TTLL5: variants seen among roughly 807,000 people sequenced by gnomAD.
The protein encoded by TTLL5 is tubulin tyrosine ligase like 5.
TTLL5 carries 132 observed loss-of-function variants against 168.4 expected under a neutral mutation model. That is an observed-to-expected ratio of 0.78 (90% CI 0.68 to 0.91). The LOEUF (loss-of-function observed/expected upper bound fraction) is 0.91, where lower values mean the gene tolerates loss of function less well. TTLL5 is among the 40% of genes least tolerant of loss of function. The pLI is 0.00. For missense variants in TTLL5, 1,545 were observed against 1,581.5 expected (o/e 0.98, Z 0.39); for synonymous variants, 546 against 558.6 (o/e 0.98, Z 0.32).
chr14:75,894,511 C>T (rs529821067), intron 30 of TTLL5, among the ~76,000 whole-genome samples: 5 of 152,160 alleles, frequency 3.3e-5, no homozygotes, highest in South Asian at 2.1e-4. Flanking sequence ...CGAGATCACA[C>T]GCCACTGCAC....
chr14:75,940,288 C>T (rs2034561234), intron 31 of TTLL5, among the ~76,000 whole-genome samples: 2 of 151,874 alleles, frequency 1.3e-5, no homozygotes, highest in South Asian at 4.2e-4. Context: ...ACCATGTTAG[C>T]CAGGATGGTC....
intron 28 of TTLL5, among the ~76,000 whole-genome samples, chr14:75,848,851 T>C (rs1415245074): frequency 6.6e-6 from 1 of 152,228 alleles, no homozygotes; most frequent in Non-Finnish European, 1.5e-5. Context: ...TTGGTTTTTA[T>C]ATCCAGCTTT....
rs553892120 is a variant in TTLL5 at position 75,837,547 on chromosome 14, C to T, written c.3326+17386C>T. On this transcript the variant is annotated intron_variant, in intron 28 of 31. Coordinates refer to ENST00000298832, the MANE Select transcript of TTLL5 (RefSeq NM_015072.5). ...ATCACCACCATCCATCTCCATAATT[C>T]TTTTCATCTTGATAAACTGAAACTC... 6.8e-4 allele frequency among the ~76,000 whole-genome samples: 103 copies of T among 152,240 alleles called. 1 individual carries two copies. Among genetic ancestry groups the T allele is most frequent in the Non-Finnish European group, 1.0e-4 (7 of 68,018 alleles).
intron 15 of TTLL5, 101 bp downstream of exon 15, chr14:75,735,390 G>C: frequency 8.9e-7 from 1 of 1,127,180 alleles, no homozygotes; most frequent in African/African-American, 1.5e-5. Flanking sequence ...AGGTCACTTA[G>C]AGCAGGAGAA....
chr14:75,680,249 C>A (rs1246147036), intron 3 of TTLL5, among the ~76,000 whole-genome samples: 2 of 152,116 alleles, frequency 1.3e-5, no homozygotes, highest in African/African-American at 2.4e-5. Flanking sequence ...CAAGCACAAA[C>A]GCTTACTTGG....
At chr14:75,732,505 C>G in intron 13 of TTLL5, 86 bp downstream of exon 13, 4 of 1,164,586 alleles carry the variant, frequency 3.4e-6, no homozygotes, top group Non-Finnish European at 5.0e-6. Context: ...TCTCTTGGCA[C>G]TAGAAGACTG....
chr14:75,857,563 G>A (rs1897195212), intron 28 of TTLL5, among the ~76,000 whole-genome samples: 1 of 151,700 alleles, frequency 6.6e-6, no homozygotes, highest in South Asian at 2.1e-4. Context: ...CTCATGAGTT[G>A]GGAAGTTTTT....
intron 7 of TTLL5, among the ~76,000 whole-genome samples, chr14:75,700,781 C>A (rs1886213468): frequency 6.6e-6 from 1 of 152,154 alleles, no homozygotes; most frequent in Non-Finnish European, 1.5e-5. Context: ...CAGACAAATT[C>A]TTTCCTGCAA....
intron 15 of TTLL5, among the ~76,000 whole-genome samples, chr14:75,736,514 G>A (rs1339387989): frequency 6.6e-6 from 1 of 152,188 alleles, no homozygotes; most frequent in African/African-American, 2.4e-5. Flanking sequence ...AGGTAAACTG[G>A]AGAGTGCATA....
intron 23 of TTLL5, among the ~76,000 whole-genome samples, chr14:75,779,067 G>C (rs1020877250): frequency 6.6e-6 from 1 of 152,120 alleles, no homozygotes; most frequent in South Asian, 2.1e-4. Context: ...CTACATATGG[G>C]TGGTGGTGGT....
At position 75,865,676 on chromosome 14, in the gene TTLL5, T is replaced by A. The variant is rs552182021; in HGVS notation, c.3522+1814T>A. Among the ~76,000 whole-genome samples, 5 of 152,298 alleles carry A rather than the reference T, an allele frequency of 3.3e-5. No individual in the cohort carries two copies. The East Asian group carries it at 9.6e-4, about 29-fold the overall frequency. On this transcript the variant is annotated intron_variant, in intron 29 of 31. Transcript: ENST00000298832. ...TTTTAGAAACTGCTTCATTTTTAAG[T>A]CCTTCTCATAGTTTTGATTAGCTTC...
At chr14:75,777,703 GA>G (rs998466070) in intron 23 of TTLL5, among the ~76,000 whole-genome samples, 1 of 152,140 alleles carries the variant, frequency 6.6e-6, no homozygotes, top group Admixed American at 6.5e-5. Context: ...CAAATAGGGA[GA>G]AAATCAGTAG....
At chr14:75,724,052 G>A (rs552794466) in intron 12 of TTLL5, among the ~76,000 whole-genome samples, 266 of 151,860 alleles carry the variant, frequency 1.8e-3, no homozygotes, top group Non-Finnish European at 3.5e-3. Context: ...GAGTAAACAG[G>A]AATTGAAAGC....
At chr14:75,765,216 T>C (rs919166975) in intron 19 of TTLL5, among the ~76,000 whole-genome samples, 5 of 152,236 alleles carry the variant, frequency 3.3e-5, no homozygotes, top group Non-Finnish European at 5.9e-5. Context: ...AATTGACTGA[T>C]ATACTGATTT....
In TTLL5 at chr14:75,882,800, A is replaced by C. The variant is rs1218606466; in HGVS notation, c.3638A>C (p.Gln1213Pro). ...GGCCAGAAGCCAACCACTCTGCCACAAAAAGTGGTACCACCTCCAAGTTCT... is the reference window on the plus strand; with the variant it reads ...GGCCAGAAGCCAACCACTCTGCCACCAAAAGTGGTACCACCTCCAAGTTCT... ...ASGQKPTTLP[Q>P]KVVPPPSSCA... Residue 1213 changes from glutamine (Q) to proline (P), a missense_variant, in exon 30 of 32, where the codon CAA (glutamine) becomes CCA (proline). Transcript: ENST00000298832. 19 of 1,614,012 alleles carry C rather than the reference A, an allele frequency of 1.2e-5. No homozygotes were observed. The highest frequency in any genetic ancestry group is 2.7e-5 in the African/African-American group (2 of 74,908).
At chr14:75,766,718 G>A (rs1256896486) in intron 20 of TTLL5, among the ~76,000 whole-genome samples, 1 of 152,142 alleles carries the variant, frequency 6.6e-6, no homozygotes, top group Non-Finnish European at 1.5e-5. Context: ...GTGGTCTTAG[G>A]ACACAGAAAA....
chr14:75,805,069 C>T (rs1893570969), intron 27 of TTLL5, among the ~76,000 whole-genome samples: 1 of 152,178 alleles, frequency 6.6e-6, no homozygotes, highest in Admixed American at 6.5e-5. Context: ...CCCCTCCACC[C>T]CTACACACTT....
intron 31 of TTLL5, among the ~76,000 whole-genome samples, chr14:75,919,071 C>A (rs983295308): frequency 6.6e-6 from 1 of 151,456 alleles, no homozygotes; most frequent in East Asian, 1.9e-4. Context: ...CATGGTGGCA[C>A]GTGCCTGTAA....
At chr14:75,795,311 T>TGCTTC (rs1892941787) in intron 27 of TTLL5, among the ~76,000 whole-genome samples, 1 of 152,232 alleles carries the variant, frequency 6.6e-6, no homozygotes. Context: ...AGGCTTTCAA[T>TGCTTC]AGTAAATGGC....
Sources: gnomAD v4.1 joint callset for allele counts (sites outside exome capture counted in the v4.1 genomes callset) on GRCh38, gnomAD v4.1.1 for gene constraint, MANE v1.5 for transcripts, NCBI Gene and HGNC (gene_info 2026-07-23, HGNC 2026-07-21) for gene names.